The following KPNB1 variants were observed in gnomAD, a reference collection of about 807,000 sequenced individuals.
KPNB1 encodes the protein karyopherin subunit beta 1.
KPNB1 carries 7 observed loss-of-function variants against 113.0 expected under a neutral mutation model. The ratio of observed to expected loss-of-function variants is 0.06; its 90% CI spans 0.04 to 0.12. The LOEUF (loss-of-function observed/expected upper bound fraction) is 0.12. Ranked by LOEUF, KPNB1 falls within the 10% of genes least tolerant of loss-of-function variation. The probability of loss-of-function intolerance (pLI) is 1.00; values close to 1 mark genes in which losing one functional copy is unlikely to be tolerated. For synonymous variants in KPNB1, 363 were observed against 378.6 expected, an observed-to-expected ratio of 0.96 and a Z score of 0.48; for missense variants, 400 against 1,054.8, an observed-to-expected ratio of 0.38 and a Z score of 8.60.
At position 47,665,064 on chromosome 17, in the gene KPNB1, A is replaced by G; in HGVS notation, c.905A>G (p.Glu302Gly). 1 of 1,614,128 alleles carries G rather than the reference A, an allele frequency of 6.2e-7. No homozygotes were observed. The highest frequency in any genetic ancestry group is 8.5e-7 in the Non-Finnish European group (1 of 1,179,972). Reference protein sequence around the residue: ...DLAIEASEAAEQGRPPEHTSK... With the variant: ...DLAIEASEAAGQGRPPEHTSK... ...TGCTTTGTTTCTCCTCAGGCAGCAG[A>G]ACAAGGACGGCCCCCTGAGCACACC... The change falls in exon 9 of 22, where the codon GAA becomes GGA. Residue 302 changes from glutamate (E) to glycine (G), a missense_variant. Glu to Gly is a moderately conservative substitution (Grantham distance 98). Around this residue, in one of 2 missense-constraint regions of KPNB1, gnomAD observed 285 missense variants for 627.0 expected, o/e 0.45. Coordinates refer to ENST00000290158, the MANE Select transcript of KPNB1 (RefSeq NM_002265.6).
chr17:47,666,121 T>C (rs964714176), intron 9 of KPNB1, among the ~76,000 whole-genome samples: 5 of 152,134 alleles, frequency 3.3e-5, no homozygotes, highest in African/African-American at 1.2e-4. Flanking sequence ...TGGCATGATC[T>C]TGGCTCAGTG....
chr17:47,678,225 T>C (rs1247973115), intron 18 of KPNB1, 36 bp downstream of exon 18: 2 of 1,610,880 alleles, frequency 1.2e-6, no homozygotes, highest in Non-Finnish European at 1.7e-6. Flanking sequence ...TCTTTAAGTC[T>C]AGCTCTAATT....
At position 47,650,056 on chromosome 17, in the gene KPNB1, G is replaced by C; in HGVS notation, c.-189G>C. On this transcript the variant is annotated 5_prime_UTR_variant, in exon 1 of 22. Transcript: ENST00000290158. ...AGCCCATTTGGAGGGAGGAAGTAAGGGAAGAGGAGAGGAAGGGGAGCCGGA... is the reference window on the plus strand; with the variant it reads ...AGCCCATTTGGAGGGAGGAAGTAAGCGAAGAGGAGAGGAAGGGGAGCCGGA... 2.2e-6 allele frequency: 3 copies of C among 1,381,594 alleles called. No individual in the cohort carries two copies. The highest frequency in any genetic ancestry group is 1.7e-5 in the South Asian group (1 of 58,272). 85.6% of individuals were successfully genotyped at this position (1,381,594 alleles called of 1,614,324 possible). A position where few individuals can be genotyped will look rare whatever the true frequency, so the allele number is the denominator to read the frequency against.
chr17:47,650,020 C>T lies in KPNB1; in HGVS notation c.-225C>T. The T allele has an allele frequency of 1.5e-6, 2 of 1,369,500 alleles. No homozygotes were observed. The highest frequency in any genetic ancestry group is 1.9e-6 in the Non-Finnish European group (2 of 1,067,662). The allele number at this position is 1,369,500 out of a possible 1,614,324, so 84.8% of individuals were successfully genotyped here. ...CTGAGCTGCCCCCAGGGTCCCTCCC[C>T]CGCCGCCAGCAGCCCATTTGGAGGG... On this transcript the variant is annotated 5_prime_UTR_variant, in exon 1 of 22. Transcript: ENST00000290158.
At chr17:47,680,211 A>C (rs915555891) in intron 20 of KPNB1, 77 bp downstream of exon 20, 1 of 1,060,798 alleles carries the variant, frequency 9.4e-7, no homozygotes, top group African/African-American at 1.6e-5. Flanking sequence ...AGGAGTTTTG[A>C]GAGTATCGCG....
At chr17:47,653,023 C>A in intron 3 of KPNB1, 147 bp downstream of exon 3, 2 of 525,332 alleles carry the variant, frequency 3.8e-6, no homozygotes, top group Non-Finnish European at 3.2e-6. Context: ...TTGTCTTTGT[C>A]TTAAATCTTT....
chr17:47,651,206 TC>T, intron 2 of KPNB1: 1 of 984,948 alleles, frequency 1.0e-6, no homozygotes, highest in Non-Finnish European at 1.2e-6. Flanking sequence ...ATTTAAGGGG[TC>T]CGGAGAAAAT....
chr17:47,682,381 C>T (rs2030810770), intron 21 of KPNB1, 23 bp from the exon 22 acceptor site: 2 of 780,870 alleles, frequency 2.6e-6, no homozygotes, highest in Non-Finnish European at 4.8e-6. Flanking sequence ...CAAAGATTGA[C>T]CTTTTTTTCC....
chr17:47,674,114 C>A (rs2030527890), intron 14 of KPNB1, among the ~76,000 whole-genome samples: 1 of 152,126 alleles, frequency 6.6e-6, no homozygotes. Flanking sequence ...GAAACATTTG[C>A]TGTTTGACCT....
chr17:47,650,366 T>C lies in KPNB1; in HGVS notation c.41-20T>C, dbSNP rs533221666. On this transcript the variant is annotated intron_variant, in intron 1 of 21. Coordinates refer to ENST00000290158, the MANE Select transcript of KPNB1 (RefSeq NM_002265.6). ...CCGGCCCCTCTGACCCCGCTCCGTC[T>C]CCCACTTTCCTCCCCCTAGATCGGC... The C allele has an allele frequency of 1.9e-6, 3 of 1,611,274 alleles. No individual in the cohort carries two copies. Among genetic ancestry groups the C allele is most frequent in the African/African-American group, 2.7e-5 (2 of 74,732 alleles).
rs1421081597 is a variant in KPNB1 at position 47,683,113 on chromosome 17, A to C, written c.*709A>C. On this transcript the variant is annotated 3_prime_UTR_variant, in exon 22 of 22. Transcript: ENST00000290158. ...TGTAAAAAAAAAAAAAAAAAAAAAAAAAAAAACACACACACAGAGGAAAGA... is the reference window on the plus strand; with the variant it reads ...TGTAAAAAAAAAAAAAAAAAAAAAACAAAAAACACACACACAGAGGAAAGA... 34 of 147,566 alleles carry C rather than the reference A, an allele frequency of 2.3e-4. No individual in the cohort carries two copies. Among genetic ancestry groups the C allele is most frequent in the South Asian group, 4.2e-4 (2 of 4,734 alleles). 9.1% of individuals were successfully genotyped at this position (147,566 alleles called of 1,614,324 possible). A position where few individuals can be genotyped will look rare whatever the true frequency, so the allele number is the denominator to read the frequency against.
At chr17:47,653,775 T>A (rs1440846619) in intron 3 of KPNB1, among the ~76,000 whole-genome samples, 1 of 152,194 alleles carries the variant, frequency 6.6e-6, no homozygotes, top group Non-Finnish European at 1.5e-5. Flanking sequence ...GGCAGTAACT[T>A]CTGTATCTGG....
chr17:47,663,092 C>G lies in KPNB1; in HGVS notation c.700C>G (p.Arg234Gly), dbSNP rs1286370371. 1 of 1,562,614 alleles carries G rather than the reference C, an allele frequency of 6.4e-7. No individual in the cohort carries two copies. Among genetic ancestry groups the G allele is most frequent in the East Asian group, 2.2e-5 (1 of 44,570 alleles). The change falls in exon 7 of 22, where the codon CGA (arginine) becomes GGA (glycine). Residue 234 changes from arginine to glycine, a missense_variant. Coordinates refer to ENST00000290158, the MANE Select transcript of KPNB1 (RefSeq NM_002265.6). ...EATQCPDTRV[R>G]VAALQNLVKI... ...TCTGATCTGCTGTTCATAAAAGGTA[C>G]GAGTGGCTGCTTTACAGAATCTGGT... is the stretch of plus-strand genomic sequence containing the variant.
At chr17:47,681,262 CTTCT>C (rs1270752343) in intron 21 of KPNB1, among the ~76,000 whole-genome samples, 1 of 144,638 alleles carries the variant, frequency 6.9e-6, no homozygotes, top group Non-Finnish European at 1.5e-5. Flanking sequence ...TTCTTTTCTT[CTTCT>C]TTTTTTTTTT....
intron 2 of KPNB1, among the ~76,000 whole-genome samples, chr17:47,650,661 T>C (rs999063805): frequency 1.3e-5 from 2 of 150,944 alleles, no homozygotes; most frequent in African/African-American, 2.4e-5. Context: ...GCCAATGGCT[T>C]GGCGCGCCGA....
At chr17:47,660,496 G>A (rs963227645) in intron 5 of KPNB1, among the ~76,000 whole-genome samples, 4 of 152,140 alleles carry the variant, frequency 2.6e-5, no homozygotes, top group Admixed American at 1.3e-4. Flanking sequence ...CCAGGGTCAT[G>A]GTCTGAAAGT....
chr17:47,651,163 C>T (rs891003240), intron 2 of KPNB1: 1 of 971,776 alleles, frequency 1.0e-6, no homozygotes. Flanking sequence ...GATGAAATCA[C>T]AGGGGAAAGT....
chr17:47,680,439 T>C, intron 20 of KPNB1, 69 bp from the exon 21 acceptor site: 1 of 1,557,022 alleles, frequency 6.4e-7, no homozygotes, highest in African/African-American at 1.4e-5. Flanking sequence ...AGCACTGGTT[T>C]GGAAGGCTCA....
chr17:47,682,311 G>T lies in KPNB1; in HGVS notation c.*-93G>T, dbSNP rs2030809100. 3 of 771,964 alleles carry T rather than the reference G, an allele frequency of 3.9e-6. No homozygotes were observed. In the Admixed American group the frequency reaches 5.2e-5, roughly 13 times the overall value. 47.8% of individuals were successfully genotyped at this position (771,964 alleles called of 1,614,324 possible). A position where few individuals can be genotyped will look rare whatever the true frequency, so the allele number is the denominator to read the frequency against. ...TGAAATGTTGACAAATTCCATTCAG[G>T]CCTAGGAGCATGTAATTGTAGGAGT... is the stretch of plus-strand genomic sequence containing the variant. On this transcript the variant is annotated intron_variant, in intron 21 of 21. Coordinates refer to ENST00000290158, the MANE Select transcript of KPNB1 (RefSeq NM_002265.6).
Sources: gnomAD v4.1 joint callset for allele counts (sites outside exome capture counted in the v4.1 genomes callset) on GRCh38, gnomAD v4.1.1 for gene constraint, gnomAD v4.1.1 regional missense constraint, MANE v1.5 for transcripts, NCBI Gene and HGNC (gene_info 2026-07-23, HGNC 2026-07-21) for gene names.